The following EXOC6 variants were observed in gnomAD, a reference collection of about 807,000 sequenced individuals.
The protein encoded by EXOC6 is exocyst complex component 6.
EXOC6 carries 60 observed loss-of-function variants against 112.5 expected under a neutral mutation model. That is an observed-to-expected ratio of 0.53 (90% CI 0.43 to 0.66). The LOEUF is 0.66. Among genes scored for constraint, EXOC6 ranks in the 30% least tolerant of loss-of-function variants. EXOC6 has a pLI of 0.00. For missense variants in EXOC6, 855 were observed against 957.1 expected (o/e 0.89, Z 1.41); for synonymous variants, 295 against 308.0 (o/e 0.96, Z 0.44).
intron 19 of EXOC6, among the ~76,000 whole-genome samples, chr10:93,001,055 A>G (rs958639734): frequency 2.0e-5 from 3 of 152,228 alleles, no homozygotes; most frequent in Admixed American, 6.5e-5. Context: ...TGCAGTATGT[A>G]TGCTTTCTGC....
intron 1 of EXOC6, among the ~76,000 whole-genome samples, chr10:92,868,439 T>C (rs1305849656): frequency 6.6e-6 from 1 of 152,198 alleles, no homozygotes; most frequent in Non-Finnish European, 1.5e-5. Flanking sequence ...TCATGTGCTA[T>C]GCAGCACTTT....
chr10:93,009,791 A>G (rs1039158922), intron 19 of EXOC6, among the ~76,000 whole-genome samples: 21 of 152,226 alleles, frequency 1.4e-4, no homozygotes, highest in Non-Finnish European at 2.6e-4. Context: ...AGGTGCCCCT[A>G]GGGAAATGAT....
intron 20 of EXOC6, among the ~76,000 whole-genome samples, chr10:93,050,613 AGCCGGGCATGGTGGCGTGT>A (rs1846233712): frequency 6.6e-6 from 1 of 151,992 alleles, no homozygotes; most frequent in South Asian, 2.1e-4. Context: ...ACAAAAAATT[AGCCGGGCATGGTGGCGTGT>A]GCCTGTAATG....
At chr10:92,875,313 C>T (rs11593751) in intron 1 of EXOC6, among the ~76,000 whole-genome samples, 5,871 of 152,256 alleles carry the variant, frequency 0.039, 160 homozygotes, top group Non-Finnish European at 0.057. Context: ...TTGAATTCTC[C>T]TATTTCCTCC....
intron 18 of EXOC6, among the ~76,000 whole-genome samples, chr10:92,995,471 C>T (rs1217350139): frequency 6.6e-6 from 1 of 152,170 alleles, no homozygotes; most frequent in Non-Finnish European, 1.5e-5. Context: ...ATGATAGTGG[C>T]AGCATGCATA....
chr10:92,964,883 G>C (rs1430281225), intron 17 of EXOC6, among the ~76,000 whole-genome samples: 1 of 152,140 alleles, frequency 6.6e-6, no homozygotes, highest in African/African-American at 2.4e-5. Flanking sequence ...AGCAGCTCTA[G>C]GCTGTCTCAG....
chr10:92,922,853 C>T (rs1054647622), intron 8 of EXOC6, among the ~76,000 whole-genome samples: 12 of 151,942 alleles, frequency 7.9e-5, no homozygotes, highest in Non-Finnish European at 4.4e-5. Context: ...ATATAGTGTG[C>T]GAATTGCTGC....
intron 17 of EXOC6, among the ~76,000 whole-genome samples, chr10:92,969,900 G>A (rs1188823454): frequency 6.6e-6 from 1 of 152,052 alleles, no homozygotes; most frequent in Non-Finnish European, 1.5e-5. Context: ...CACCATGTTG[G>A]CCAGGCTGGT....
intron 1 of EXOC6, among the ~76,000 whole-genome samples, chr10:92,872,611 T>G (rs1036014930): frequency 6.6e-6 from 1 of 152,090 alleles, no homozygotes; most frequent in Admixed American, 6.5e-5. Flanking sequence ...GTTTCTCTTT[T>G]TTGTTGCATC....
At chr10:92,938,723 A>C (rs1438657696) in intron 12 of EXOC6, among the ~76,000 whole-genome samples, 3 of 152,186 alleles carry the variant, frequency 2.0e-5, no homozygotes, top group Non-Finnish European at 4.4e-5. Flanking sequence ...AAAAGTCAGT[A>C]AGACAGTAGG....
chr10:92,996,314 G>A (rs1564895978), intron 18 of EXOC6, among the ~76,000 whole-genome samples: 2 of 152,154 alleles, frequency 1.3e-5, no homozygotes, highest in African/African-American at 4.8e-5. Flanking sequence ...ACCTAAAAGA[G>A]TTTTTATAAT....
chr10:92,888,111 T>C (rs1849317545), intron 1 of EXOC6, among the ~76,000 whole-genome samples: 2 of 152,184 alleles, frequency 1.3e-5, no homozygotes, highest in African/African-American at 4.8e-5. Context: ...CTTAATATTA[T>C]TTTTATTTCT....
intron 20 of EXOC6, among the ~76,000 whole-genome samples, chr10:93,022,066 T>A (rs1013625458): frequency 5.3e-5 from 8 of 152,318 alleles, no homozygotes; most frequent in African/African-American, 1.9e-4. Flanking sequence ...AAGAGAATCA[T>A]CATTTGACAG....
At chr10:93,052,000 C>T (rs1590117627) in intron 20 of EXOC6, among the ~76,000 whole-genome samples, 1 of 152,166 alleles carries the variant, frequency 6.6e-6, no homozygotes, top group East Asian at 1.9e-4. Context: ...TCACTGTTCA[C>T]GTTTACAAAA....
intron 5 of EXOC6, among the ~76,000 whole-genome samples, chr10:92,903,398 A>G (rs1022034467): frequency 1.3e-5 from 2 of 151,374 alleles, no homozygotes; most frequent in Non-Finnish European, 2.9e-5. Context: ...ACCATCAGTG[A>G]AATCAGAGGT....
At chr10:93,030,066 G>A (rs1283213782) in intron 20 of EXOC6, among the ~76,000 whole-genome samples, 1 of 152,102 alleles carries the variant, frequency 6.6e-6, no homozygotes, top group Non-Finnish European at 1.5e-5. Flanking sequence ...GTGCCACCAC[G>A]CCCGGCTAAT....
At chr10:92,888,653 ATTTT>A (rs1849350271) in intron 1 of EXOC6, among the ~76,000 whole-genome samples, 1 of 152,178 alleles carries the variant, frequency 6.6e-6, no homozygotes. Flanking sequence ...ATTATTTGGT[ATTTT>A]AAGAGCCAGA....
At chr10:92,905,115 G>A (rs554771163) in intron 5 of EXOC6, among the ~76,000 whole-genome samples, 8 of 151,962 alleles carry the variant, frequency 5.3e-5, no homozygotes, top group Non-Finnish European at 1.2e-4. Context: ...TGTGCTTTCT[G>A]TTTCATTTTA....
At chr10:93,010,700 T>TAA (rs538429286) in intron 19 of EXOC6, among the ~76,000 whole-genome samples, 38,186 of 131,288 alleles carry the variant, frequency 0.29, 6,125 homozygotes, top group East Asian at 0.75. Context: ...CTCCATCTCT[T>TAA]AAAAAAAAAA....
Sources: gnomAD v4.1 joint callset for allele counts (sites outside exome capture counted in the v4.1 genomes callset) on GRCh38, gnomAD v4.1.1 for gene constraint, MANE v1.5 for transcripts, NCBI Gene and HGNC (gene_info 2026-07-23, HGNC 2026-07-21) for gene names.